PFKFB2: variants seen among roughly 807,000 people sequenced by gnomAD.
PFKFB2 encodes the protein 6-phosphofructo-2-kinase/fructose-2,6-biphosphatase 2, also known as 6-phosphofructo-2-kinase/fructose-2,6-bisphosphatase 2.
A neutral mutation model predicts 68.0 loss-of-function variants in PFKFB2; 53 were observed. The observed-to-expected ratio is 0.78, with a 90% CI of 0.63 to 0.98. The LOEUF (loss-of-function observed/expected upper bound fraction) is 0.98, where lower values mean the gene tolerates loss of function less well. PFKFB2 is among the 50% of genes least tolerant of loss of function. PFKFB2 has a pLI of 0.00. For missense variants in PFKFB2, 451 were observed against 642.0 expected, an observed-to-expected ratio of 0.70 and a Z score of 3.22; for synonymous variants, 222 against 227.6, an observed-to-expected ratio of 0.98 and a Z score of 0.22.
At chr1:207,058,434 C>T (rs1472985797) in intron 2 of PFKFB2, among the ~76,000 whole-genome samples, 2 of 152,188 alleles carry the variant, frequency 1.3e-5, no homozygotes, top group Non-Finnish European at 2.9e-5. Context: ...ACATGAGGCA[C>T]AGGAGCTGGC....
Position 207,077,001 on chromosome 1 carries a change from T to C in PFKFB2, c.*4630T>C. On this transcript the variant is annotated 3_prime_UTR_variant, in exon 15 of 15. Transcript: ENST00000367080. The stretch of plus-strand genomic sequence containing the variant: ...TCTGTACACTATGATTTTAAATAGA[T>C]ATTTCTTATATAGTAGTGGCCAAAT... 1.0e-6 allele frequency: 1 copy of C among 979,228 alleles called. No homozygotes were observed. The highest frequency in any genetic ancestry group is 1.2e-6 in the Non-Finnish European group (1 of 824,292). 60.7% of individuals were successfully genotyped at this position (979,228 alleles called of 1,614,324 possible). A position where few individuals can be genotyped will look rare whatever the true frequency, so the allele number is the denominator to read the frequency against.
chr1:207,050,948 C>G (rs1421445321), upstream of PFKFB2: 1 of 1,573,846 alleles, frequency 6.4e-7, no homozygotes, highest in Non-Finnish European at 8.6e-7. Flanking sequence ...AGCTTTGGTC[C>G]CGGCAGCCTG....
At chr1:207,048,854 CTAATTT>C, upstream of PFKFB2, 1 of 660,848 alleles carries the variant, frequency 1.5e-6, no homozygotes, top group South Asian at 1.9e-5. Flanking sequence ...AACTTGCACA[CTAATTT>C]TAATCTTAAC....
chr1:207,074,072 C>A lies in PFKFB2; in HGVS notation c.*1701C>A. ...TAAACATGCCTGTGTCCACCTTATG[C>A]TTAATACTGACTCAGAATCTCTGGG... is the stretch of plus-strand genomic sequence containing the variant. On this transcript the variant is annotated 3_prime_UTR_variant, in exon 15 of 15. Transcript: ENST00000367080. The A allele has an allele frequency of 1.1e-6, 1 of 891,756 alleles. No homozygotes were observed. Among genetic ancestry groups the A allele is most frequent in the Non-Finnish European group, 1.3e-6 (1 of 744,636 alleles). The allele number at this position is 891,756 out of a possible 1,614,324, so 55.2% of individuals were successfully genotyped here. A position where few individuals can be genotyped will look rare whatever the true frequency, so the allele number is the denominator to read the frequency against.
chr1:207,063,661 A>C lies in PFKFB2; in HGVS notation c.451-112A>C. 1 of 938,930 alleles carries C rather than the reference A, an allele frequency of 1.1e-6. No individual in the cohort carries two copies. The highest frequency in any genetic ancestry group is 1.7e-5 in the Admixed American group (1 of 58,392). 58.2% of individuals were successfully genotyped at this position (938,930 alleles called of 1,614,324 possible). On this transcript the variant is annotated intron_variant, in intron 6 of 14. Coordinates refer to ENST00000367080, the MANE Select transcript of PFKFB2 (RefSeq NM_006212.2). The surrounding 1 kb of genome is among the most constrained non-coding windows in gnomAD (Gnocchi z 4.1). ...TGAGGAGGACTTGAGGGCCACTTTC[A>C]TGAAGAAAATCCTGGGAGATGTGGT...
At chr1:207,046,828 C>T (rs151255747) in intron 2 of PFKFB2, 1 of 152,062 alleles carries the variant, frequency 6.6e-6, no homozygotes, top group East Asian at 1.9e-4. Context: ...TGGAACATAT[C>T]AAAACATATG....
chr1:207,042,755 G>A (rs998588019), intron 2 of PFKFB2, among the ~76,000 whole-genome samples: 1 of 152,058 alleles, frequency 6.6e-6, no homozygotes, highest in African/African-American at 2.4e-5. Context: ...ATAATGGATT[G>A]TTTAGAATTC....
intron 1 of PFKFB2, 35 bp from the exon 2 acceptor site, chr1:207,054,666 C>G (rs1457286583): frequency 7.0e-7 from 1 of 1,424,324 alleles, no homozygotes; most frequent in Non-Finnish European, 9.8e-7. Flanking sequence ...TCTTTCTTCC[C>G]CTTCCCTTTT....
downstream of PFKFB2, chr1:207,080,626 A>C (rs1323313007): frequency 1.3e-5 from 2 of 152,164 alleles, no homozygotes; most frequent in Admixed American, 6.5e-5. Context: ...TATTCTATCC[A>C]TGTAAGGCAT....
intron 2 of PFKFB2, 98 bp downstream of exon 2, chr1:207,054,900 A>G: frequency 1.2e-6 from 1 of 810,830 alleles, no homozygotes; most frequent in Non-Finnish European, 2.0e-6. Flanking sequence ...GGAGTGATAA[A>G]TAATTATTTG....
Position 207,077,736 on chromosome 1 carries a change from T to C in PFKFB2, c.*5365T>C. 8 of 985,098 alleles carry C rather than the reference T, an allele frequency of 8.1e-6. No homozygotes were observed. Among genetic ancestry groups the C allele is most frequent in the Non-Finnish European group, 9.6e-6 (8 of 829,228 alleles). 61.0% of individuals were successfully genotyped at this position (985,098 alleles called of 1,614,324 possible). ...GTATGCCACTCAGATCCATTTAAAG[T>C]GTGCATAACTGTATTTGAAATGTGT... is the stretch of plus-strand genomic sequence containing the variant. On this transcript the variant is annotated 3_prime_UTR_variant, in exon 15 of 15. Transcript: ENST00000367080.
chr1:207,061,787 C>T (rs553358945), intron 2 of PFKFB2, among the ~76,000 whole-genome samples, 166 bp from the exon 3 acceptor site: 13 of 152,220 alleles, frequency 8.5e-5, no homozygotes, highest in East Asian at 3.9e-4. Context: ...AAGGCTGAGG[C>T]GGGAGAATCA....
At position 207,070,158 on chromosome 1, in the gene PFKFB2, G is replaced by A; in HGVS notation, c.1093-122G>A. On this transcript the variant is annotated intron_variant, in intron 11 of 14. Coordinates refer to ENST00000367080, the MANE Select transcript of PFKFB2 (RefSeq NM_006212.2). The surrounding 1 kb of genome is among the most constrained non-coding windows in gnomAD (Gnocchi z 4.2). ...TTAGCAGGTGATGTAAACTCACTGA[G>A]CCTCCAGGAGGAAAGCCAGCTGAGG... 2 of 1,123,658 alleles carry A rather than the reference G, an allele frequency of 1.8e-6. No individual in the cohort carries two copies. Among genetic ancestry groups the A allele is most frequent in the Non-Finnish European group, 2.6e-6 (2 of 783,242 alleles). The allele number at this position is 1,123,658 out of a possible 1,614,324, so 69.6% of individuals were successfully genotyped here. A position where few individuals can be genotyped will look rare whatever the true frequency, so the allele number is the denominator to read the frequency against.
At chr1:207,039,256 A>G (rs969852615) in intron 1 of PFKFB2, among the ~76,000 whole-genome samples, 1 of 152,214 alleles carries the variant, frequency 6.6e-6, no homozygotes, top group Admixed American at 6.5e-5. Flanking sequence ...ATTCAATCCA[A>G]TAAAATTCAT....
At chr1:207,064,749 A>G (rs1434893195) in intron 7 of PFKFB2, among the ~76,000 whole-genome samples, 3 of 152,162 alleles carry the variant, frequency 2.0e-5, no homozygotes, top group African/African-American at 4.8e-5. Flanking sequence ...TTCTCAGGAA[A>G]GTACATAAAG....
intron 1 of PFKFB2, among the ~76,000 whole-genome samples, chr1:207,036,495 T>G (rs142240027): frequency 1.3e-5 from 2 of 152,332 alleles, no homozygotes; most frequent in East Asian, 3.9e-4. Flanking sequence ...GAAGCTGGAT[T>G]TCCCATTTTC....
intron 3 of PFKFB2, among the ~76,000 whole-genome samples, 172 bp downstream of exon 3, chr1:207,062,250 C>T (rs181345198): frequency 3.3e-5 from 5 of 152,286 alleles, no homozygotes; most frequent in East Asian, 1.9e-4. Flanking sequence ...CTCCTCCTGG[C>T]GTGGGTGGAT....
chr1:207,076,947 C>G lies in PFKFB2; in HGVS notation c.*4576C>G. The G allele has an allele frequency of 1.0e-6, 1 of 982,096 alleles. No individual in the cohort carries two copies. Among genetic ancestry groups the G allele is most frequent in the Non-Finnish European group, 1.2e-6 (1 of 826,936 alleles). The allele number at this position is 982,096 out of a possible 1,614,324, so 60.8% of individuals were successfully genotyped here. On this transcript the variant is annotated 3_prime_UTR_variant, in exon 15 of 15. Coordinates refer to ENST00000367080, the MANE Select transcript of PFKFB2 (RefSeq NM_006212.2). ...GTGTCTAACAAAGGAAGGAATTAAGCACTCCACGTGTTTTCTTTATAGGGG... is the reference window on the plus strand; with the variant it reads ...GTGTCTAACAAAGGAAGGAATTAAGGACTCCACGTGTTTTCTTTATAGGGG...
chr1:207,077,968 G>T (rs577781953), downstream of PFKFB2: 7 of 189,286 alleles, frequency 3.7e-5, no homozygotes, highest in South Asian at 1.3e-3. Flanking sequence ...TGGTGTAGCC[G>T]TGGCTCTCTT....
Sources: allele counts gnomAD v4.1 joint callset (sites outside exome capture counted in the v4.1 genomes callset), GRCh38; gene constraint gnomAD v4.1.1; non-coding constraint Gnocchi (gnomAD v3.1); transcripts MANE v1.5; gene names NCBI Gene and HGNC (gene_info 2026-07-23, HGNC 2026-07-21).